Variants in ASB18 observed in about 807,000 individuals in gnomAD.
ASB18 encodes the protein ankyrin repeat and SOCS box protein 18.
ASB18 carries 33 observed loss-of-function variants against 33.4 expected under a neutral mutation model. The ratio of observed to expected loss-of-function variants is 0.99; its 90% CI spans 0.75 to 1.32. The LOEUF (loss-of-function observed/expected upper bound fraction) is 1.32, where lower values mean the gene tolerates loss of function less well. Among genes scored for constraint, ASB18 ranks in the 40% most tolerant of loss-of-function variants. The pLI, the probability that ASB18 is intolerant of heterozygous loss-of-function variation, is 0.00. For synonymous variants in ASB18, 295 were observed against 307.6 expected (o/e 0.96, Z 0.43); for missense variants, 694 against 655.5 (o/e 1.06, Z -0.64).
chr2:236,243,127 G>A (rs1406802212), intron 1 of ASB18, among the ~76,000 whole-genome samples: 2 of 150,048 alleles, frequency 1.3e-5, no homozygotes, highest in South Asian at 2.1e-4. Flanking sequence ...TCAGGAGATC[G>A]AGATCATCCT....
chr2:236,196,460 TG>T lies in ASB18; in HGVS notation c.1102-76del. 2.8e-6 allele frequency: 2 copies of T among 709,382 alleles called. No homozygotes were observed. The highest frequency in any genetic ancestry group is 2.5e-6 in the Non-Finnish European group (1 of 399,552). The allele number at this position is 709,382 out of a possible 1,614,324, so 43.9% of individuals were successfully genotyped here. ...CTCAGTGGGGAAAGGGTGGGGGGTG[TG>T]GGGGGATGCTCTCCCTAGCTGTGTG... is the stretch of plus-strand genomic sequence containing the variant. On this transcript the variant is annotated intron_variant, in intron 4 of 5. Transcript: ENST00000409749. The surrounding 1 kb of genome is among the most constrained non-coding windows in gnomAD (Gnocchi z 5.6).
At position 236,200,347 on chromosome 2, in the gene ASB18, T is replaced by TA. The variant is rs564312713; in HGVS notation, c.1102-3963dup. ...CTGGGCGACAGAGCAAGACTCCGTC[T>TA]AAAAAAAAAAGAGATGGCGAGTTCG... On this transcript the variant is annotated intron_variant, in intron 4 of 5. Transcript: ENST00000409749. This position sits in a 1 kb window ranked among gnomAD's most constrained non-coding sequence, Gnocchi z 4.2. Among the ~76,000 whole-genome samples the TA allele has an allele frequency of 3.4e-5, 5 of 148,872 alleles. No homozygotes were observed. The highest frequency in any genetic ancestry group is 1.9e-4 in the East Asian group (1 of 5,130).
chr2:236,249,203 G>C lies in ASB18; in HGVS notation c.206-7801C>G, dbSNP rs1414456128. On this transcript the variant is annotated intron_variant, in intron 1 of 5. Transcript: ENST00000409749. The surrounding 1 kb of genome is among the most constrained non-coding windows in gnomAD (Gnocchi z 4.6). ...TGAGAGTCCCTCTGAGAACTCCAGAGAGCCCCTGTGCTTTGCTTCCTGGTG... is the reference window on the plus strand; with the variant it reads ...TGAGAGTCCCTCTGAGAACTCCAGACAGCCCCTGTGCTTTGCTTCCTGGTG... 2.6e-5 allele frequency: 4 copies of C among 152,198 alleles called. No individual in the cohort carries two copies. Among genetic ancestry groups the C allele is most frequent in the African/African-American group, 9.7e-5 (4 of 41,448 alleles). The allele number at this position is 152,198 out of a possible 1,614,324, so 9.4% of individuals were successfully genotyped here.
chr2:236,263,355 C>T lies in ASB18; in HGVS notation c.205+786G>A, dbSNP rs2060728634. Among the ~76,000 whole-genome samples the T allele has an allele frequency of 6.6e-6, 1 of 152,168 alleles. No individual in the cohort carries two copies. The highest frequency in any genetic ancestry group is 2.1e-4 in the South Asian group (1 of 4,830). On this transcript the variant is annotated intron_variant, in intron 1 of 5. Coordinates refer to ENST00000409749, the MANE Select transcript of ASB18 (RefSeq NM_212556.4). The surrounding 1 kb of genome is among the most constrained non-coding windows in gnomAD (Gnocchi z 4.0). ...AAAAATCCTATGGACAAGACTTTGT[C>T]CAGACCTGCAAAGAAAGGATGGGCG...
Position 236,238,031 on chromosome 2 carries a change from G to A in ASB18, c.329-75C>T. On this transcript the variant is annotated intron_variant, in intron 2 of 5. Transcript: ENST00000409749. This position sits in a 1 kb window ranked among gnomAD's most constrained non-coding sequence, Gnocchi z 5.2. ...GGTGGTGGGCGGTGTTCCTTAAGGC[G>A]GAAAGAAAGTGAAGCCGTCTCTTAA... The A allele has an allele frequency of 1.5e-6, 2 of 1,300,922 alleles. No individual in the cohort carries two copies. The highest frequency in any genetic ancestry group is 1.7e-5 in the South Asian group (1 of 59,798). The allele number at this position is 1,300,922 out of a possible 1,614,324, so 80.6% of individuals were successfully genotyped here. A position where few individuals can be genotyped will look rare whatever the true frequency, so the allele number is the denominator to read the frequency against.
At chr2:236,212,787 G>A (rs1169586488) in intron 4 of ASB18, among the ~76,000 whole-genome samples, 1 of 152,112 alleles carries the variant, frequency 6.6e-6, no homozygotes, top group Non-Finnish European at 1.5e-5. Context: ...ACCAGGCCCT[G>A]CTAATTTTTT....
In ASB18 at chr2:236,228,756, A is replaced by G. The variant is rs777428473; in HGVS notation, c.596+8933T>C. On this transcript the variant is annotated intron_variant, in intron 3 of 5. Transcript: ENST00000409749. The surrounding 1 kb of genome is among the most constrained non-coding windows in gnomAD (Gnocchi z 5.1). ...AGAGAGTACCAAAAAGAGTTGTCTC[A>G]GTAGCAGAAAAAAAAATTAACCTTA... Among the ~76,000 whole-genome samples, 2 of 152,174 alleles carry G rather than the reference A, an allele frequency of 1.3e-5. No individual in the cohort carries two copies. The highest frequency in any genetic ancestry group is 2.9e-5 in the Non-Finnish European group (2 of 68,028).
intron 1 of ASB18, among the ~76,000 whole-genome samples, chr2:236,258,436 C>G (rs922570286): frequency 6.6e-6 from 1 of 152,216 alleles, no homozygotes; most frequent in African/African-American, 2.4e-5. Flanking sequence ...AACTGGGTCC[C>G]CTTCCTCTCA....
intron 3 of ASB18, among the ~76,000 whole-genome samples, chr2:236,218,797 CA>C (rs574423455): frequency 0.084 from 7,723 of 91,470 alleles, 217 homozygotes; most frequent in Admixed American, 0.15. Flanking sequence ...GACTCCATCT[CA>C]AAAAAAAAAA....
rs1263989282 is a variant in ASB18, at chr2:236,203,237, A to AG, written c.1102-6853dup. 1.3e-5 allele frequency among the ~76,000 whole-genome samples: 2 copies of AG among 152,072 alleles called. No homozygotes were observed. The highest frequency in any genetic ancestry group is 6.6e-5 in the Admixed American group (1 of 15,266). On this transcript the variant is annotated intron_variant, in intron 4 of 5. Transcript: ENST00000409749. The surrounding 1 kb of genome is among the most constrained non-coding windows in gnomAD (Gnocchi z 6.0). ...AACAATACAGTGCTGTGGTCATATGAGGGGGAGTTCAGGGGAAGATTTCTG... is the reference window on the plus strand; with the variant it reads ...AACAATACAGTGCTGTGGTCATATGAGGGGGGAGTTCAGGGGAAGATTTCTG...
At chr2:236,224,978 T>C (rs1003352840) in intron 3 of ASB18, among the ~76,000 whole-genome samples, 1 of 152,210 alleles carries the variant, frequency 6.6e-6, no homozygotes, top group African/African-American at 2.4e-5. Flanking sequence ...TGTATTGTTT[T>C]CTGGATTATG....
At chr2:236,218,108 G>A (rs1157543763) in intron 3 of ASB18, among the ~76,000 whole-genome samples, 1 of 152,154 alleles carries the variant, frequency 6.6e-6, no homozygotes, top group Non-Finnish European at 1.5e-5. Context: ...GTAATGGCCA[G>A]GCTTTTCCAC....
In ASB18 at chr2:236,195,250, A is replaced by C. The variant is rs2060366414; in HGVS notation, c.1216-193T>G. On this transcript the variant is annotated intron_variant, in intron 5 of 5. Coordinates refer to ENST00000409749, the MANE Select transcript of ASB18 (RefSeq NM_212556.4). This position sits in a 1 kb window ranked among gnomAD's most constrained non-coding sequence, Gnocchi z 5.5. ...AGGGGCTTGTGTGCTCTCCCAAAGC[A>C]CAGTTCCTGCCGAGTGAGAGGGGAT... Among the ~76,000 whole-genome samples, 1 of 152,180 alleles carries C rather than the reference A, an allele frequency of 6.6e-6. No homozygotes were observed. Among genetic ancestry groups the C allele is most frequent in the Non-Finnish European group, 1.5e-5 (1 of 68,032 alleles).
chr2:236,232,393 C>G (rs1164903712), intron 3 of ASB18, among the ~76,000 whole-genome samples: 1 of 151,776 alleles, frequency 6.6e-6, no homozygotes. Context: ...TATTAAAAAA[C>G]ATGAAAGTTC....
rs762010446 is a variant in ASB18 at position 236,253,065 on chromosome 2, G to A, written c.205+11076C>T. ...TTAGGTGGCGTCAAGGATCCCCACCGTCCTCGCCAGCCTGGCTTTCTAGAT... is the reference window on the plus strand; with the variant it reads ...TTAGGTGGCGTCAAGGATCCCCACCATCCTCGCCAGCCTGGCTTTCTAGAT... On this transcript the variant is annotated intron_variant, in intron 1 of 5. Coordinates refer to ENST00000409749, the MANE Select transcript of ASB18 (RefSeq NM_212556.4). This position sits in a 1 kb window ranked among gnomAD's most constrained non-coding sequence, Gnocchi z 5.4. Among the ~76,000 whole-genome samples the A allele has an allele frequency of 2.6e-5, 4 of 152,152 alleles. No individual in the cohort carries two copies. Among genetic ancestry groups the A allele is most frequent in the Non-Finnish European group, 2.9e-5 (2 of 68,018 alleles).
rs982574116 is a variant in ASB18, at chr2:236,245,081, C to T, written c.206-3679G>A. On this transcript the variant is annotated intron_variant, in intron 1 of 5. Transcript: ENST00000409749. The surrounding 1 kb of genome is among the most constrained non-coding windows in gnomAD (Gnocchi z 4.7). ...AGGGGCTCACATGGGTGAGAGTCAA[C>T]CTCAGCTGGGTGTGGGGGGAGACTT... 6.6e-6 allele frequency among the ~76,000 whole-genome samples: 1 copy of T among 152,148 alleles called. No individual in the cohort carries two copies. Among genetic ancestry groups the T allele is most frequent in the African/African-American group, 2.4e-5 (1 of 41,452 alleles).
In ASB18 at chr2:236,248,226, G is replaced by A. The variant is rs1345442915; in HGVS notation, c.206-6824C>T. 6.6e-6 allele frequency: 1 copy of A among 152,178 alleles called. No individual in the cohort carries two copies. Among genetic ancestry groups the A allele is most frequent in the Non-Finnish European group, 1.5e-5 (1 of 68,044 alleles). 9.4% of individuals were successfully genotyped at this position (152,178 alleles called of 1,614,324 possible). On this transcript the variant is annotated intron_variant, in intron 1 of 5. Coordinates refer to ENST00000409749, the MANE Select transcript of ASB18 (RefSeq NM_212556.4). The surrounding 1 kb of genome is among the most constrained non-coding windows in gnomAD (Gnocchi z 4.9). The stretch of plus-strand genomic sequence containing the variant: ...TCACCTGAGGAACTTTAAAAAACAC[G>A]ATGCCTGGAGCCCACCTGGTAGTTT...
rs2060585999 is a variant in ASB18, at chr2:236,235,750, AG to A, written c.596+1938del. On this transcript the variant is annotated intron_variant, in intron 3 of 5. Transcript: ENST00000409749. This position sits in a 1 kb window ranked among gnomAD's most constrained non-coding sequence, Gnocchi z 6.2. ...AGACAGGGTCTCAACTCTGTCACCC[AG>A]GCTGGAGTGCAGTGGCGTGAACATG... Among the ~76,000 whole-genome samples, 1 of 152,246 alleles carries A rather than the reference AG, an allele frequency of 6.6e-6. No homozygotes were observed. The highest frequency in any genetic ancestry group is 1.5e-5 in the Non-Finnish European group (1 of 68,042).
In ASB18 at chr2:236,262,847, C is replaced by A. The variant is rs184529551; in HGVS notation, c.205+1294G>T. 1.7e-3 allele frequency among the ~76,000 whole-genome samples: 255 copies of A among 150,600 alleles called. No homozygotes were observed. The highest frequency in any genetic ancestry group is 5.3e-3 in the Admixed American group (80 of 15,044). ...TCCCTAAAGCGACTTGCTTAAGTCC[C>A]CACTGAAAGGCAGCCCAGAAAGTAG... On this transcript the variant is annotated intron_variant, in intron 1 of 5. Transcript: ENST00000409749. This position sits in a 1 kb window ranked among gnomAD's most constrained non-coding sequence, Gnocchi z 5.2.
Sources: gnomAD v4.1 joint callset for allele counts (sites outside exome capture counted in the v4.1 genomes callset) on GRCh38, gnomAD v4.1.1 for gene constraint, Gnocchi (gnomAD v3.1) non-coding constraint, MANE v1.5 for transcripts, NCBI Gene and HGNC (gene_info 2026-07-23, HGNC 2026-07-21) for gene names.